The following ZDHHC3 variants were observed in gnomAD, a reference collection of about 807,000 sequenced individuals.
ZDHHC3 encodes the protein zDHHC palmitoyltransferase 3.
A neutral mutation model predicts 30.6 loss-of-function variants in ZDHHC3; 9 were observed. That is an observed-to-expected ratio of 0.29 (90% CI 0.18 to 0.51). The LOEUF (loss-of-function observed/expected upper bound fraction) is 0.51. Ranked by LOEUF, ZDHHC3 falls within the 20% of genes least tolerant of loss-of-function variation. The pLI is 0.97. For synonymous variants in ZDHHC3, 136 were observed against 140.2 expected (o/e 0.97, Z 0.21); for missense variants, 246 against 384.2 (o/e 0.64, Z 3.01).
chr3:44,947,388 T>A (rs1703040902), intron 2 of ZDHHC3, among the ~76,000 whole-genome samples: 1 of 152,172 alleles, frequency 6.6e-6, no homozygotes, highest in Non-Finnish European at 1.5e-5. Context: ...CCCCTGGCCT[T>A]GCTTTAAATC....
chr3:44,931,888 G>A (rs1192122150), intron 5 of ZDHHC3, among the ~76,000 whole-genome samples: 4 of 152,158 alleles, frequency 2.6e-5, no homozygotes, highest in Non-Finnish European at 4.4e-5. Context: ...TTGCAGGCTT[G>A]TTATAAGGGC....
intron 1 of ZDHHC3, among the ~76,000 whole-genome samples, chr3:44,974,221 C>T (rs1192988725): frequency 5.3e-5 from 8 of 152,228 alleles, no homozygotes; most frequent in Non-Finnish European, 1.2e-4. Flanking sequence ...TTAGCAAATA[C>T]TGCAGACCCT....
intron 1 of ZDHHC3, among the ~76,000 whole-genome samples, chr3:44,966,297 G>A (rs1412454926): frequency 1.3e-5 from 2 of 152,182 alleles, no homozygotes; most frequent in Non-Finnish European, 2.9e-5. Context: ...GTGAATATGT[G>A]ACATTTTAAT....
In ZDHHC3 at chr3:44,924,337, A is replaced by G. The variant is rs1700821606; in HGVS notation, c.*2352T>C. The G allele has an allele frequency of 3.0e-6, 3 of 985,404 alleles. No individual in the cohort carries two copies. The highest frequency in any genetic ancestry group is 2.4e-6 in the Non-Finnish European group (2 of 829,892). The allele number at this position is 985,404 out of a possible 1,614,324, so 61.0% of individuals were successfully genotyped here. ...CCTCAGTCATTGTGCTCTTGGCAAA[A>G]TATCAGTCTGAACAAAAATGAAATA... On this transcript the variant is annotated 3_prime_UTR_variant, in exon 7 of 7. Transcript: ENST00000424952.
In ZDHHC3 at chr3:44,923,317, C is replaced by G; in HGVS notation, c.*3372G>C. The stretch of plus-strand genomic sequence containing the variant: ...GATCTCGATCTCTTGACCTCGTGAT[C>G]TGCCCGCCTCGGCCTCCCAAAGTGC... On this transcript the variant is annotated 3_prime_UTR_variant, in exon 7 of 7. Coordinates refer to ENST00000424952, the MANE Select transcript of ZDHHC3 (RefSeq NM_001135179.2). 6 of 978,612 alleles carry G rather than the reference C, an allele frequency of 6.1e-6. No homozygotes were observed. The highest frequency in any genetic ancestry group is 7.3e-6 in the Non-Finnish European group (6 of 823,782). The allele number at this position is 978,612 out of a possible 1,614,324, so 60.6% of individuals were successfully genotyped here.
At chr3:44,929,997 CCA>C (rs771609467) in intron 5 of ZDHHC3, among the ~76,000 whole-genome samples, 6 of 152,224 alleles carry the variant, frequency 3.9e-5, no homozygotes, top group Non-Finnish European at 8.8e-5. Flanking sequence ...TCAGCCTTGA[CCA>C]CAGTGTGAGG....
chr3:44,935,054 A>T (rs1242478743), intron 3 of ZDHHC3, among the ~76,000 whole-genome samples: 2 of 152,182 alleles, frequency 1.3e-5, no homozygotes, highest in Admixed American at 1.3e-4. Context: ...TGGACAATTC[A>T]AAGTAATAAT....
intron 2 of ZDHHC3, among the ~76,000 whole-genome samples, chr3:44,954,917 G>C (rs1394857611): frequency 6.6e-6 from 1 of 152,186 alleles, no homozygotes; most frequent in Non-Finnish European, 1.5e-5. Flanking sequence ...GAGAAGGGTA[G>C]TAAGATAAGG....
chr3:44,936,496 C>T (rs2125837016), intron 3 of ZDHHC3, among the ~76,000 whole-genome samples: 1 of 152,330 alleles, frequency 6.6e-6, no homozygotes, highest in African/African-American at 2.4e-5. Context: ...CCAGCAATCC[C>T]ATTACTGGAT....
chr3:44,961,501 G>A (rs980992923), intron 1 of ZDHHC3, among the ~76,000 whole-genome samples: 18 of 152,180 alleles, frequency 1.2e-4, no homozygotes, highest in Admixed American at 5.9e-4. Context: ...AGAGGACAGT[G>A]GCAATGTAGT....
chr3:44,946,011 C>T (rs1702900048), intron 2 of ZDHHC3, among the ~76,000 whole-genome samples: 1 of 152,190 alleles, frequency 6.6e-6, no homozygotes, highest in Non-Finnish European at 1.5e-5. Flanking sequence ...ATTAAATTTC[C>T]TGATAACAGC....
Position 44,919,994 on chromosome 3 carries a change from T to C in ZDHHC3, c.*6695A>G. 3 of 1,144,002 alleles carry C rather than the reference T, an allele frequency of 2.6e-6. No homozygotes were observed. Among genetic ancestry groups the C allele is most frequent in the South Asian group, 3.8e-5 (2 of 53,262 alleles). The allele number at this position is 1,144,002 out of a possible 1,614,324, so 70.9% of individuals were successfully genotyped here. A position where few individuals can be genotyped will look rare whatever the true frequency, so the allele number is the denominator to read the frequency against. On this transcript the variant is annotated 3_prime_UTR_variant, in exon 7 of 7. Coordinates refer to ENST00000424952, the MANE Select transcript of ZDHHC3 (RefSeq NM_001135179.2). ...AACACTATGCAGCTAGAAAAGATGG[T>C]TTAATATGGTTTTACATGACATTAG...
chr3:44,969,701 T>C (rs2125932306), intron 1 of ZDHHC3: 1 of 152,294 alleles, frequency 6.6e-6, no homozygotes, highest in Non-Finnish European at 1.5e-5. Flanking sequence ...GGCCTGAACA[T>C]AAGCATTTTG....
chr3:44,921,406 C>A lies in ZDHHC3; in HGVS notation c.*5283G>T, dbSNP rs766338839. 1 of 985,408 alleles carries A rather than the reference C, an allele frequency of 1.0e-6. No individual in the cohort carries two copies. The highest frequency in any genetic ancestry group is 1.2e-6 in the Non-Finnish European group (1 of 829,932). 61.0% of individuals were successfully genotyped at this position (985,408 alleles called of 1,614,324 possible). A position where few individuals can be genotyped will look rare whatever the true frequency, so the allele number is the denominator to read the frequency against. ...GTCTCTCCTCATCAGAGATTTCATA[C>A]CTCTATATTGTAACCCACAAGAGGA... On this transcript the variant is annotated 3_prime_UTR_variant, in exon 7 of 7. Coordinates refer to ENST00000424952, the MANE Select transcript of ZDHHC3 (RefSeq NM_001135179.2).
At chr3:44,968,833 G>A (rs760724536) in intron 1 of ZDHHC3, among the ~76,000 whole-genome samples, 26 of 152,224 alleles carry the variant, frequency 1.7e-4, no homozygotes, top group Non-Finnish European at 2.8e-4. Context: ...ATAGCTGCTT[G>A]TAAAGAGACT....
Position 44,922,962 on chromosome 3 carries a change from G to C in ZDHHC3, c.*3727C>G. The C allele has an allele frequency of 2.0e-6, 2 of 985,336 alleles. No individual in the cohort carries two copies. Among genetic ancestry groups the C allele is most frequent in the Non-Finnish European group, 2.4e-6 (2 of 829,924 alleles). 61.0% of individuals were successfully genotyped at this position (985,336 alleles called of 1,614,324 possible). ...GGCTCACCCTTTAAGCTGATGCACT[G>C]CAAGTCTTGAAAAGAGAGAAATTTA... On this transcript the variant is annotated 3_prime_UTR_variant, in exon 7 of 7. Coordinates refer to ENST00000424952, the MANE Select transcript of ZDHHC3 (RefSeq NM_001135179.2).
chr3:44,961,240 A>C (rs1559715189), intron 1 of ZDHHC3, among the ~76,000 whole-genome samples: 2 of 152,208 alleles, frequency 1.3e-5, no homozygotes. Flanking sequence ...AAAATACAAA[A>C]AATTAGCCGG....
At chr3:44,946,804 C>G (rs1702980560) in intron 2 of ZDHHC3, among the ~76,000 whole-genome samples, 1 of 152,144 alleles carries the variant, frequency 6.6e-6, no homozygotes, top group African/African-American at 2.4e-5. Context: ...TATGCAGTGT[C>G]AGCGGGGAGG....
At position 44,959,356 on chromosome 3, in the gene ZDHHC3, G is replaced by A. The variant is rs1219598046; in HGVS notation, c.81C>T (p.Pro27=). ...TGGTTCCCACAGGACCAGGGTAGGG[G>A]GGTGGGACACACTTCTCTGGCTGGA... ...EYLQPEKCVP[P]PYPGPVGTMW... The change falls in exon 2 of 7, where the codon CCC becomes CCT. Residue 27 remains proline (P), a synonymous_variant. Transcript: ENST00000424952. The surrounding 1 kb of genome is among the most constrained non-coding windows in gnomAD (Gnocchi z 4.3). 6.2e-7 allele frequency: 1 copy of A among 1,614,248 alleles called. No homozygotes were observed. Among genetic ancestry groups the A allele is most frequent in the Non-Finnish European group, 8.5e-7 (1 of 1,180,034 alleles).
Sources: allele counts gnomAD v4.1 joint callset (sites outside exome capture counted in the v4.1 genomes callset), GRCh38; gene constraint gnomAD v4.1.1; non-coding constraint Gnocchi (gnomAD v3.1); transcripts MANE v1.5; gene names NCBI Gene and HGNC (gene_info 2026-07-23, HGNC 2026-07-21).